Variants in BMPR1B observed in about 807,000 individuals in gnomAD.
BMPR1B encodes bone morphogenetic protein receptor type-1B.
Under a neutral mutation model 59.1 loss-of-function variants are expected in BMPR1B, and 12 were observed. The ratio of observed to expected loss-of-function variants is 0.20; its 90% CI spans 0.13 to 0.33. BMPR1B has a LOEUF of 0.33. BMPR1B is among the 10% of genes least tolerant of loss of function. The probability of loss-of-function intolerance (pLI) is 1.00; values close to 1 mark genes in which losing one functional copy is unlikely to be tolerated. For synonymous variants in BMPR1B, 237 were observed against 207.3 expected, an observed-to-expected ratio of 1.14 and a Z score of -1.23; for missense variants, 550 against 610.9, an observed-to-expected ratio of 0.90 and a Z score of 1.05.
At chr4:95,063,521 C>A (rs1727564348) in intron 3 of BMPR1B, among the ~76,000 whole-genome samples, 1 of 152,126 alleles carries the variant, frequency 6.6e-6, no homozygotes, top group African/African-American at 2.4e-5. Flanking sequence ...AGAGTTAATA[C>A]ATGGTACATT....
intron 2 of BMPR1B, among the ~76,000 whole-genome samples, chr4:94,946,418 C>G (rs534698536): frequency 8.5e-5 from 13 of 152,200 alleles, no homozygotes; most frequent in Middle Eastern, 3.4e-3. Flanking sequence ...TTATATATCA[C>G]TTAACTAGAA....
chr4:94,883,703 A>G (rs897649090), intron 2 of BMPR1B, among the ~76,000 whole-genome samples: 1 of 152,174 alleles, frequency 6.6e-6, no homozygotes, highest in Non-Finnish European at 1.5e-5. Flanking sequence ...TATTAAAGAT[A>G]TGTCAATAAA....
intron 3 of BMPR1B, among the ~76,000 whole-genome samples, chr4:95,011,519 A>G (rs549505669): frequency 6.1e-4 from 93 of 152,196 alleles, no homozygotes; most frequent in African/African-American, 2.2e-3. Context: ...TGTCATGTCT[A>G]ATTTCTAGGC....
rs988380267 is a variant in BMPR1B, at chr4:95,141,541, C to G, written c.1077-7207C>G. Among the ~76,000 whole-genome samples, 4 of 152,318 alleles carry G rather than the reference C, an allele frequency of 2.6e-5. No homozygotes were observed. In the East Asian group the frequency reaches 7.7e-4, roughly 29 times the overall value. On this transcript the variant is annotated intron_variant, in intron 10 of 12. Coordinates refer to ENST00000515059, the MANE Select transcript of BMPR1B (RefSeq NM_001203.3). ...CGCTGTATTGGTTTCTTCATGCATTCTCTTGACAGTGACGTAAGTGCCGAT... is the reference window on the plus strand; with the variant it reads ...CGCTGTATTGGTTTCTTCATGCATTGTCTTGACAGTGACGTAAGTGCCGAT...
In BMPR1B at chr4:94,981,005, A is replaced by ACGCACGCG. The variant is rs34635740; in HGVS notation, c.-112-15034_-112-15033insGCACGCGC. On this transcript the variant is annotated intron_variant, in intron 2 of 12. Coordinates refer to ENST00000515059, the MANE Select transcript of BMPR1B (RefSeq NM_001203.3). ...GCAAGACTCCATCACACACACACAC[A>ACGCACGCG]CACACACACACACACACAAAAAGTA... 1.5e-4 allele frequency among the ~76,000 whole-genome samples: 18 copies of ACGCACGCG among 122,798 alleles called. No individual in the cohort carries two copies. In the South Asian group the frequency reaches 3.4e-3, roughly 23 times the overall value. 80.6% of individuals were successfully genotyped at this position (122,798 alleles called of 152,430 possible). A position where few individuals can be genotyped will look rare whatever the true frequency, so the allele number is the denominator to read the frequency against.
chr4:94,884,525 CA>C (rs141115340), intron 2 of BMPR1B, among the ~76,000 whole-genome samples: 7,442 of 150,680 alleles, frequency 0.049, 449 homozygotes, highest in African/African-American at 0.14. Flanking sequence ...GACTCTGTCT[CA>C]AAAAAAACAA....
chr4:94,849,698 T>A (rs1190031495), intron 1 of BMPR1B, among the ~76,000 whole-genome samples: 1 of 151,894 alleles, frequency 6.6e-6, no homozygotes, highest in Non-Finnish European at 1.5e-5. Flanking sequence ...ACAGCCTGTT[T>A]ATCCAGTTAG....
chr4:94,987,051 T>A (rs71601250), intron 2 of BMPR1B, among the ~76,000 whole-genome samples: 48,111 of 142,532 alleles, frequency 0.34, 8,337 homozygotes, highest in South Asian at 0.43. Flanking sequence ...AAAAAAAATA[T>A]ATATATATAT....
At chr4:95,071,235 A>G (rs887909338) in intron 3 of BMPR1B, among the ~76,000 whole-genome samples, 10 of 152,134 alleles carry the variant, frequency 6.6e-5, no homozygotes, top group Admixed American at 2.0e-4. Flanking sequence ...CTGGTCTTCA[A>G]TTTAGAAATT....
At chr4:95,026,224 CTT>C (rs1057059598) in intron 3 of BMPR1B, among the ~76,000 whole-genome samples, 1 of 148,434 alleles carries the variant, frequency 6.7e-6, no homozygotes, top group Non-Finnish European at 1.5e-5. Flanking sequence ...TTATCTGAGT[CTT>C]TTAATTTATA....
At chr4:95,033,757 A>G (rs1434332429) in intron 3 of BMPR1B, among the ~76,000 whole-genome samples, 4 of 152,136 alleles carry the variant, frequency 2.6e-5, no homozygotes, top group African/African-American at 9.7e-5. Context: ...GAAAGAAGAT[A>G]CCTGCAATGT....
At chr4:94,886,681 T>C (rs1302915474) in intron 2 of BMPR1B, among the ~76,000 whole-genome samples, 2 of 152,168 alleles carry the variant, frequency 1.3e-5, no homozygotes, top group Non-Finnish European at 2.9e-5. Context: ...TTCAAAAATA[T>C]ACACTCAACA....
chr4:94,943,295 A>C (rs1483381126), intron 2 of BMPR1B, among the ~76,000 whole-genome samples: 1 of 152,096 alleles, frequency 6.6e-6, no homozygotes, highest in Non-Finnish European at 1.5e-5. Context: ...ATGCGCCACC[A>C]TGCCCAGCTA....
At chr4:94,970,922 C>G (rs767293151) in intron 2 of BMPR1B, among the ~76,000 whole-genome samples, 20 of 152,152 alleles carry the variant, frequency 1.3e-4, no homozygotes, top group Non-Finnish European at 2.6e-4. Flanking sequence ...TCTTTAAATT[C>G]ATTAAAATCA....
intron 3 of BMPR1B, among the ~76,000 whole-genome samples, chr4:95,062,416 A>C (rs1371396337): frequency 6.6e-6 from 1 of 152,170 alleles, no homozygotes; most frequent in African/African-American, 2.4e-5. Context: ...CAGCTTATGC[A>C]TAGTTTGTTC....
chr4:94,894,491 T>C (rs1432075116), intron 2 of BMPR1B, among the ~76,000 whole-genome samples: 2 of 151,880 alleles, frequency 1.3e-5, no homozygotes, highest in African/African-American at 4.8e-5. Flanking sequence ...ACCATTTACA[T>C]AGGAGTTTCC....
intron 10 of BMPR1B, 106 bp downstream of exon 10, chr4:95,131,618 A>C: frequency 7.5e-7 from 1 of 1,332,300 alleles, no homozygotes. Flanking sequence ...AATATCATTA[A>C]TTTTGACATT....
chr4:94,827,069 T>G (rs1222199643), intron 1 of BMPR1B, among the ~76,000 whole-genome samples: 1 of 152,192 alleles, frequency 6.6e-6, no homozygotes, highest in Non-Finnish European at 1.5e-5. Flanking sequence ...CTAATTTGGC[T>G]CATTAGGGGA....
intron 3 of BMPR1B, among the ~76,000 whole-genome samples, chr4:95,034,696 GT>G (rs1201633103): frequency 6.6e-6 from 1 of 151,628 alleles, no homozygotes; most frequent in Admixed American, 6.6e-5. Flanking sequence ...ATTTGGGCTG[GT>G]TTTATATTTT....
Sources: allele counts gnomAD v4.1 joint callset (sites outside exome capture counted in the v4.1 genomes callset), GRCh38; gene constraint gnomAD v4.1.1; transcripts MANE v1.5; gene names NCBI Gene and HGNC (gene_info 2026-07-23, HGNC 2026-07-21).